CSMD1: variants seen among roughly 807,000 people sequenced by gnomAD.
CSMD1 encodes CUB and Sushi multiple domains 1.
CSMD1 carries 213 observed loss-of-function variants against 417.5 expected under a neutral mutation model. That is an observed-to-expected ratio of 0.51 (90% CI 0.46 to 0.57). CSMD1 has a LOEUF of 0.57. Among genes scored for constraint, CSMD1 ranks in the 20% least tolerant of loss-of-function variants. The probability of loss-of-function intolerance (pLI) is 0.00; values close to 1 mark genes in which losing one functional copy is unlikely to be tolerated. For missense variants in CSMD1, 6,923 were observed against 4,529.7 expected, an observed-to-expected ratio of 1.53 and a Z score of -15.17; for synonymous variants, 2,862 against 1,736.8, an observed-to-expected ratio of 1.65 and a Z score of -16.11.
intron 1 of CSMD1, among the ~76,000 whole-genome samples, chr8:4,721,892 G>A (rs1034773215): frequency 6.6e-6 from 1 of 151,992 alleles, no homozygotes; most frequent in African/African-American, 2.4e-5. Context: ...GAAACTGAAG[G>A]GCATTATGTC....
rs529371819 is a variant in CSMD1 at position 4,882,528 on chromosome 8, T to G, written c.85+111804A>C. ...GGAAGGCTTCCTCTCCCACAGGTAA[T>G]GGTTTCTGTCCGTGGCCTCTGCTGA... On this transcript the variant is annotated intron_variant, in intron 1 of 69. Coordinates refer to ENST00000635120, the MANE Select transcript of CSMD1 (RefSeq NM_033225.6). 7.9e-5 allele frequency among the ~76,000 whole-genome samples: 12 copies of G among 151,882 alleles called. No individual in the cohort carries two copies. The South Asian group carries it at 2.5e-3, about 32-fold the overall frequency.
At chr8:4,846,556 G>C (rs1405159033) in intron 1 of CSMD1, among the ~76,000 whole-genome samples, 1 of 152,154 alleles carries the variant, frequency 6.6e-6, no homozygotes, top group South Asian at 2.1e-4. Flanking sequence ...GTAAGATTCT[G>C]CTTTAAACTC....
At chr8:4,372,912 C>T (rs1175813497) in intron 3 of CSMD1, among the ~76,000 whole-genome samples, 1 of 152,160 alleles carries the variant, frequency 6.6e-6, no homozygotes, top group Non-Finnish European at 1.5e-5. Context: ...ACTCCCCATC[C>T]CTTAAGCATG....
At position 4,542,257 on chromosome 8, in the gene CSMD1, T is replaced by C. The variant is rs541051068; in HGVS notation, c.302+95085A>G. Among the ~76,000 whole-genome samples the C allele has an allele frequency of 2.6e-5, 4 of 152,308 alleles. No homozygotes were observed. The South Asian group carries it at 8.3e-4, about 32-fold the overall frequency. ...AAGAATCAAGTTAAAATACCTTTTTTTTGAAATATTAGGATAAACACAGTC... is the reference window on the plus strand; with the variant it reads ...AAGAATCAAGTTAAAATACCTTTTTCTTGAAATATTAGGATAAACACAGTC... On this transcript the variant is annotated intron_variant, in intron 2 of 69. Coordinates refer to ENST00000635120, the MANE Select transcript of CSMD1 (RefSeq NM_033225.6).
intron 5 of CSMD1, among the ~76,000 whole-genome samples, chr8:3,853,789 C>T (rs1159097803): frequency 6.6e-6 from 1 of 151,266 alleles, no homozygotes; most frequent in Non-Finnish European, 1.5e-5. Context: ...TTACTGGGTG[C>T]AGCACACCAA....
chr8:2,952,332 T>C (rs144688205), intron 65 of CSMD1, among the ~76,000 whole-genome samples: 2 of 152,270 alleles, frequency 1.3e-5, no homozygotes, highest in African/African-American at 4.8e-5. Flanking sequence ...GACAAAAGTA[T>C]ATTGTTCCTA....
At chr8:4,011,285 G>C (rs777326872) in intron 4 of CSMD1, among the ~76,000 whole-genome samples, 1 of 152,120 alleles carries the variant, frequency 6.6e-6, no homozygotes, top group Non-Finnish European at 1.5e-5. Context: ...GACTATTTGT[G>C]TTTTTAGTGG....
At chr8:4,413,097 C>T (rs542580071) in intron 3 of CSMD1, among the ~76,000 whole-genome samples, 1 of 152,174 alleles carries the variant, frequency 6.6e-6, no homozygotes, top group African/African-American at 2.4e-5. Flanking sequence ...AGAGATATTT[C>T]ATGGCCCTCA....
intron 5 of CSMD1, among the ~76,000 whole-genome samples, chr8:3,859,240 A>G (rs942783735): frequency 6.6e-6 from 1 of 152,232 alleles, no homozygotes; most frequent in African/African-American, 2.4e-5. Context: ...TTCTCAAGTG[A>G]ACGCCATTCA....
chr8:4,192,608 C>T (rs535732544), intron 3 of CSMD1, among the ~76,000 whole-genome samples: 1 of 152,174 alleles, frequency 6.6e-6, no homozygotes, highest in Non-Finnish European at 1.5e-5. Context: ...ATAATGAGAA[C>T]AGGTTGGGCC....
chr8:4,868,444 C>T (rs555400676), intron 1 of CSMD1, among the ~76,000 whole-genome samples: 5 of 152,078 alleles, frequency 3.3e-5, no homozygotes, highest in African/African-American at 1.2e-4. Context: ...CCACATTGAT[C>T]AGGCTGGTCT....
intron 2 of CSMD1, among the ~76,000 whole-genome samples, chr8:4,559,331 C>T (rs1422532429): frequency 6.6e-6 from 1 of 152,052 alleles, no homozygotes; most frequent in Non-Finnish European, 1.5e-5. Context: ...ATTTAATTTT[C>T]AGTTTTCTGT....
intron 2 of CSMD1, among the ~76,000 whole-genome samples, chr8:4,627,237 C>T (rs1802170937): frequency 1.3e-5 from 2 of 152,104 alleles, no homozygotes; most frequent in African/African-American, 4.8e-5. Flanking sequence ...TGTCCAGTCA[C>T]TTGAAATGGG....
intron 2 of CSMD1, among the ~76,000 whole-genome samples, chr8:4,479,507 T>A (rs144460923): frequency 3.0e-4 from 45 of 152,334 alleles, no homozygotes; most frequent in African/African-American, 1.1e-3. Context: ...AGTAGTTTCA[T>A]AAATACCTTT....
chr8:3,136,863 C>T (rs184577567), intron 41 of CSMD1, among the ~76,000 whole-genome samples: 43 of 152,144 alleles, frequency 2.8e-4, no homozygotes, highest in African/African-American at 7.9e-4. Context: ...GGTATTTGTG[C>T]CAGTATCTGC....
At chr8:4,737,779 C>A (rs939393146) in intron 1 of CSMD1, among the ~76,000 whole-genome samples, 18 of 152,052 alleles carry the variant, frequency 1.2e-4, no homozygotes, top group Non-Finnish European at 1.8e-4. Flanking sequence ...GACATAGAAA[C>A]AAATAGTTCT....
intron 5 of CSMD1, among the ~76,000 whole-genome samples, chr8:3,773,002 T>C (rs1336271083): frequency 1.3e-5 from 2 of 152,096 alleles, no homozygotes; most frequent in Non-Finnish European, 2.9e-5. Flanking sequence ...GGATTCCTGA[T>C]TCAGAGGCAG....
intron 5 of CSMD1, among the ~76,000 whole-genome samples, chr8:3,762,453 A>T (rs1323873251): frequency 6.6e-6 from 1 of 152,230 alleles, no homozygotes; most frequent in South Asian, 2.1e-4. Context: ...TTTTCAAAAT[A>T]GTAATGACTT....
At chr8:3,259,627 C>T (rs752091615) in intron 26 of CSMD1, among the ~76,000 whole-genome samples, 16 of 152,118 alleles carry the variant, frequency 1.1e-4, no homozygotes, top group Non-Finnish European at 1.9e-4. Context: ...AATTCCTCCT[C>T]GAGATTTTAA....
Sources: gnomAD v4.1 joint callset for allele counts (sites outside exome capture counted in the v4.1 genomes callset) on GRCh38, gnomAD v4.1.1 for gene constraint, MANE v1.5 for transcripts, NCBI Gene and HGNC (gene_info 2026-07-23, HGNC 2026-07-21) for gene names.